STAG1: variants seen among roughly 807,000 people sequenced by gnomAD.
The protein encoded by STAG1 is cohesin subunit SA-1.
A neutral mutation model predicts 170.9 loss-of-function variants in STAG1; 26 were observed. That is an observed-to-expected ratio of 0.15 (90% confidence interval 0.11 to 0.21). The LOEUF (loss-of-function observed/expected upper bound fraction) is 0.21. STAG1 is among the 10% of genes least tolerant of loss of function. STAG1 has a pLI of 1.00. For missense variants in STAG1, 964 were observed against 1,509.5 expected (o/e 0.64, Z 5.99); for synonymous variants, 514 against 497.7 (o/e 1.03, Z -0.44).
intron 21 of STAG1, among the ~76,000 whole-genome samples, chr3:136,416,836 A>G (rs1197418547): frequency 6.7e-6 from 1 of 149,440 alleles, no homozygotes; most frequent in African/African-American, 2.5e-5. Flanking sequence ...TACTGTTTTC[A>G]TAATTAACTT....
At chr3:136,451,425 G>A (rs545742071) in intron 14 of STAG1, among the ~76,000 whole-genome samples, 1 of 152,186 alleles carries the variant, frequency 6.6e-6, no homozygotes, top group African/African-American at 2.4e-5. Context: ...ACTGTTTAAT[G>A]TAATGTAAAA....
chr3:136,372,062 G>A (rs1365766522), intron 23 of STAG1, among the ~76,000 whole-genome samples: 2 of 152,064 alleles, frequency 1.3e-5, no homozygotes, highest in African/African-American at 2.4e-5. Context: ...TCCTTGAAGA[G>A]GTCCTTCACA....
At chr3:136,510,932 C>A (rs1934034801) in intron 7 of STAG1, among the ~76,000 whole-genome samples, 1 of 152,072 alleles carries the variant, frequency 6.6e-6, no homozygotes, top group African/African-American at 2.4e-5. Flanking sequence ...CACCACCATG[C>A]CCGGCTAATT....
At position 136,681,817 on chromosome 3, in the gene STAG1, T is replaced by C. The variant is rs565962800; in HGVS notation, c.-83-50836A>G. Reference sequence around the variant, plus strand: ...CAATGCAGGAAAAAAAATGACAAAATTCAAAAGCCTTGCATGATAAAAACA... The same window carrying C: ...CAATGCAGGAAAAAAAATGACAAAACTCAAAAGCCTTGCATGATAAAAACA... On this transcript the variant is annotated intron_variant, in intron 1 of 33. Transcript: ENST00000383202. Among the ~76,000 whole-genome samples, 13 of 152,060 alleles carry C rather than the reference T, an allele frequency of 8.5e-5. No individual in the cohort carries two copies. In the South Asian group the frequency reaches 2.3e-3, roughly 27 times the overall value.
At chr3:136,552,836 T>C (rs879537036) in intron 5 of STAG1, among the ~76,000 whole-genome samples, 14 of 152,202 alleles carry the variant, frequency 9.2e-5, no homozygotes, top group Non-Finnish European at 1.5e-4. Context: ...CAAATGGTCC[T>C]AGATTGGTAG....
intron 22 of STAG1, among the ~76,000 whole-genome samples, chr3:136,382,307 C>T (rs1000678142): frequency 6.6e-6 from 1 of 151,282 alleles, no homozygotes; most frequent in Non-Finnish European, 1.5e-5. Flanking sequence ...AAGAGTAGTA[C>T]ATTTAATACC....
chr3:136,594,776 G>T (rs927687681), intron 4 of STAG1, among the ~76,000 whole-genome samples: 1 of 152,084 alleles, frequency 6.6e-6, no homozygotes, highest in African/African-American at 2.4e-5. Context: ...ACGACAGTCC[G>T]ACTTTTTTTT....
At chr3:136,680,428 T>C (rs1377517033) in intron 1 of STAG1, among the ~76,000 whole-genome samples, 1 of 152,006 alleles carries the variant, frequency 6.6e-6, no homozygotes, top group African/African-American at 2.4e-5. Flanking sequence ...AACTAAAAGA[T>C]TGTATGAGTA....
At chr3:136,417,698 C>T (rs2087813834) in intron 21 of STAG1, 187 bp downstream of exon 21, 1 of 502,348 alleles carries the variant, frequency 2.0e-6, no homozygotes, top group Non-Finnish European at 3.5e-6. Context: ...TTTTTCTACT[C>T]TTAACACATA....
At chr3:136,751,222 T>C (rs1260311670) in intron 1 of STAG1, among the ~76,000 whole-genome samples, 2 of 151,272 alleles carry the variant, frequency 1.3e-5, no homozygotes, top group Non-Finnish European at 2.9e-5. Context: ...AACTATCCTA[T>C]GACTTATACT....
chr3:136,359,955 A>G (rs780154661), intron 26 of STAG1, among the ~76,000 whole-genome samples: 2 of 152,218 alleles, frequency 1.3e-5, no homozygotes, highest in Non-Finnish European at 1.5e-5. Context: ...TTCACTTATT[A>G]TATTTCAAAC....
chr3:136,633,710 A>AAGGGGGG (rs1491192814), intron 1 of STAG1, among the ~76,000 whole-genome samples: 2 of 44,808 alleles, frequency 4.5e-5, no homozygotes, highest in African/African-American at 8.5e-5. Flanking sequence ...TCAAAAAAAA[A>AAGGGGGG]GGGGGGGGGG....
At position 136,605,367 on chromosome 3, in the gene STAG1, G is replaced by C. The variant is rs542050406; in HGVS notation, c.133-894C>G. On this transcript the variant is annotated intron_variant, in intron 3 of 33. Coordinates refer to ENST00000383202, the MANE Select transcript of STAG1 (RefSeq NM_005862.3). ...CCAAGGATCATTTGAAAAAATTGTT[G>C]GCAGTCACTGTATCTATTCCTGTTA... 2.0e-5 allele frequency among the ~76,000 whole-genome samples: 3 copies of C among 152,052 alleles called. No individual in the cohort carries two copies. The East Asian group carries it at 5.8e-4, about 29-fold the overall frequency.
At chr3:136,725,246 C>T (rs533261371) in intron 1 of STAG1, among the ~76,000 whole-genome samples, 95 of 152,010 alleles carry the variant, frequency 6.2e-4, no homozygotes, top group African/African-American at 2.2e-3. Context: ...TACCACTCTT[C>T]AGTAGGCAAG....
At chr3:136,391,566 A>G (rs2087012686) in intron 22 of STAG1, among the ~76,000 whole-genome samples, 1 of 151,958 alleles carries the variant, frequency 6.6e-6, no homozygotes, top group Non-Finnish European at 1.5e-5. Flanking sequence ...TAGTAGAGAC[A>G]GGGTTTCACC....
chr3:136,416,152 T>C (rs1285333672), intron 21 of STAG1, among the ~76,000 whole-genome samples: 1 of 152,048 alleles, frequency 6.6e-6, no homozygotes, highest in South Asian at 2.1e-4. Flanking sequence ...GGACTACAGG[T>C]GCCCGCCACC....
chr3:136,708,967 C>CTTTTTT lies in STAG1; in HGVS notation c.-84+43222_-84+43227dup, dbSNP rs61595071. Among the ~76,000 whole-genome samples, 3 of 86,064 alleles carry CTTTTTT rather than the reference C, an allele frequency of 3.5e-5. 1 individual carries two copies. The highest frequency in any genetic ancestry group is 6.3e-5 in the Non-Finnish European group (3 of 47,710). 56.5% of individuals were successfully genotyped at this position (86,064 alleles called of 152,430 possible). A position where few individuals can be genotyped will look rare whatever the true frequency, so the allele number is the denominator to read the frequency against. ...CACAGGCATGTACCACTGCAGCTGG[C>CTTTTTT]TTTTTTTTTTTTTTTTTTTTTTTTT... On this transcript the variant is annotated intron_variant, in intron 1 of 33. Coordinates refer to ENST00000383202, the MANE Select transcript of STAG1 (RefSeq NM_005862.3).
intron 1 of STAG1, among the ~76,000 whole-genome samples, chr3:136,659,621 C>G (rs370148979): frequency 6.6e-6 from 1 of 152,148 alleles, no homozygotes; most frequent in African/African-American, 2.4e-5. Flanking sequence ...GCAACTACTT[C>G]GTAATAAAAG....
At chr3:136,660,076 C>T (rs562404038) in intron 1 of STAG1, among the ~76,000 whole-genome samples, 15 of 152,190 alleles carry the variant, frequency 9.9e-5, no homozygotes, top group Admixed American at 5.9e-4. Context: ...TGTGCGTGTG[C>T]GCATGTGTGT....
Sources: allele counts gnomAD v4.1 joint callset (sites outside exome capture counted in the v4.1 genomes callset), GRCh38; gene constraint gnomAD v4.1.1; transcripts MANE v1.5; gene names NCBI Gene and HGNC (gene_info 2026-07-23, HGNC 2026-07-21).